Variants in RBM17 observed in about 807,000 individuals in gnomAD.
The protein encoded by RBM17 is splicing factor 45.
A neutral mutation model predicts 53.2 loss-of-function variants in RBM17; 7 were observed. The observed-to-expected ratio is 0.13, with a 90% CI of 0.07 to 0.25. The LOEUF is 0.25. Ranked by LOEUF, RBM17 falls within the 10% of genes least tolerant of loss-of-function variation. The pLI is 1.00. For synonymous variants in RBM17, 167 were observed against 178.1 expected (o/e 0.94, Z 0.50); for missense variants, 257 against 496.7 (o/e 0.52, Z 4.59).
rs1840730376 is a variant in RBM17 at position 6,105,199 on chromosome 10, C to T, written c.407+102C>T. ...TGTCTGTAAGGCTGAAGTTAATTGT[C>T]ATGGGTGATCTGAGCAGTCACTACA... On this transcript the variant is annotated intron_variant, in intron 4 of 11. Coordinates refer to ENST00000379888, the MANE Select transcript of RBM17 (RefSeq NM_032905.5). 1.1e-5 allele frequency: 12 copies of T among 1,043,980 alleles called. No homozygotes were observed. In the South Asian group the frequency reaches 1.7e-4, roughly 15 times the overall value. 64.7% of individuals were successfully genotyped at this position (1,043,980 alleles called of 1,614,324 possible).
chr10:6,113,506 A>C lies in RBM17; in HGVS notation c.857-2A>C. 1 of 1,601,832 alleles carries C rather than the reference A, an allele frequency of 6.2e-7. No homozygotes were observed. The highest frequency in any genetic ancestry group is 8.6e-7 in the Non-Finnish European group (1 of 1,168,934). On this transcript the variant is annotated splice_acceptor_variant, in intron 8 of 11. Transcript: ENST00000379888. LOFTEE classifies it high-confidence loss of function. The stretch of plus-strand genomic sequence containing the variant: ...CACATCTAATGGTATGTTTTGATAC[A>C]GATGCATCCAAGAAGTCAGATTCAA...
At chr10:6,114,231 G>T (rs976686733) in intron 10 of RBM17, 84 bp downstream of exon 10, 14 of 765,358 alleles carry the variant, frequency 1.8e-5, no homozygotes, top group African/African-American at 3.5e-5. Flanking sequence ...GACAGGGTAT[G>T]CTATAAGTAA....
chr10:6,109,033 T>G (rs1413204402), intron 6 of RBM17, among the ~76,000 whole-genome samples: 1 of 152,080 alleles, frequency 6.6e-6, no homozygotes, highest in Non-Finnish European at 1.5e-5. Context: ...GTTAGATTCA[T>G]TTGGAGTTAA....
chr10:6,108,495 G>A (rs1840788712), intron 5 of RBM17, 191 bp from the exon 6 acceptor site: 1 of 490,794 alleles, frequency 2.0e-6, no homozygotes, highest in African/African-American at 2.0e-5. Context: ...AGGGAGTGTT[G>A]CCACTTTTCT....
chr10:6,117,184 A>T lies in RBM17; in HGVS notation c.*1628A>T, dbSNP rs556288146. 58 of 152,486 alleles carry T rather than the reference A, an allele frequency of 3.8e-4. No individual in the cohort carries two copies. The highest frequency in any genetic ancestry group is 1.4e-3 in the African/African-American group (58 of 41,562). The allele number at this position is 152,486 out of a possible 1,614,324, so 9.4% of individuals were successfully genotyped here. A position where few individuals can be genotyped will look rare whatever the true frequency, so the allele number is the denominator to read the frequency against. The stretch of plus-strand genomic sequence containing the variant: ...TAACATTCTCATGGTCAGCAACCAG[A>T]GAGTTGCAACCAACTCATACTACTT... On this transcript the variant is annotated 3_prime_UTR_variant, in exon 12 of 12. Transcript: ENST00000379888.
intron 10 of RBM17, 186 bp downstream of exon 10, chr10:6,114,333 T>TACCAAG: frequency 2.2e-6 from 1 of 457,906 alleles, no homozygotes. Context: ...TGATTTCAAG[T>TACCAAG]TTTATTTGAT....
chr10:6,111,697 T>C lies in RBM17; in HGVS notation c.705-513T>C, dbSNP rs1840839682. Reference sequence around the variant, plus strand: ...TTACTTCTAAGTCCACCCCTTAAGCTAGTCAGCTAATCTTGGCCTCCGTTT... The same window carrying C: ...TTACTTCTAAGTCCACCCCTTAAGCCAGTCAGCTAATCTTGGCCTCCGTTT... On this transcript the variant is annotated intron_variant, in intron 7 of 11. Coordinates refer to ENST00000379888, the MANE Select transcript of RBM17 (RefSeq NM_032905.5). Among the ~76,000 whole-genome samples the C allele has an allele frequency of 2.6e-5, 4 of 152,344 alleles. No individual in the cohort carries two copies. The South Asian group carries it at 6.2e-4, about 24-fold the overall frequency.
intron 10 of RBM17, chr10:6,114,395 T>G: frequency 2.7e-6 from 1 of 373,084 alleles, no homozygotes; most frequent in Middle Eastern, 8.8e-4. Context: ...ACTGAAGACC[T>G]TGATTCTAGC....
intron 1 of RBM17, among the ~76,000 whole-genome samples, chr10:6,095,613 T>C (rs917779159): frequency 1.4e-4 from 21 of 152,172 alleles, no homozygotes; most frequent in Non-Finnish European, 2.9e-5. Context: ...GGACCTTTCA[T>C]TTAAAAATCA....
At position 6,114,200 on chromosome 10, in the gene RBM17, C is replaced by T. The variant is rs1239110246; in HGVS notation, c.1029+53C>T. ...AACACAAGTTGTAATTGGCACATTA[C>T]AAAACATTTTCTACAAACAGGACAG... On this transcript the variant is annotated intron_variant, in intron 10 of 11. Transcript: ENST00000379888. 6 of 1,066,164 alleles carry T rather than the reference C, an allele frequency of 5.6e-6. No individual in the cohort carries two copies. In the Admixed American group the frequency reaches 9.2e-5, roughly 16 times the overall value. The allele number at this position is 1,066,164 out of a possible 1,614,324, so 66.0% of individuals were successfully genotyped here.
intron 1 of RBM17, among the ~76,000 whole-genome samples, chr10:6,090,225 C>G (rs11256664): frequency 0.033 from 5,018 of 152,190 alleles, 186 homozygotes; most frequent in African/African-American, 0.089. Context: ...ATAGGATATT[C>G]TAGATAAGGG....
intron 3 of RBM17, 29 bp from the exon 4 acceptor site, chr10:6,104,902 A>G (rs1489942534): frequency 3.1e-6 from 5 of 1,601,466 alleles, no homozygotes; most frequent in Non-Finnish European, 3.4e-6. Context: ...TATAAAGAGG[A>G]TTCTTACTGC....
chr10:6,101,207 T>C, intron 2 of RBM17, 64 bp from the exon 3 acceptor site: 5 of 1,021,552 alleles, frequency 4.9e-6, no homozygotes, highest in Non-Finnish European at 5.7e-6. Context: ...AAAATCTTTG[T>C]TGCAAACAGT....
chr10:6,090,046 G>A (rs1840459955), intron 1 of RBM17: 1 of 152,374 alleles, frequency 6.6e-6, no homozygotes, highest in East Asian at 1.9e-4. Context: ...CAGAAGCGAA[G>A]CCCCGTAGTG....
intron 2 of RBM17, among the ~76,000 whole-genome samples, chr10:6,100,177 T>C (rs1179658337): frequency 2.0e-5 from 3 of 152,262 alleles, no homozygotes; most frequent in Admixed American, 6.5e-5. Flanking sequence ...AGTATTGTTA[T>C]ATTCAAGAGA....
At position 6,115,729 on chromosome 10, in the gene RBM17, T is replaced by C. The variant is rs778824935; in HGVS notation, c.*173T>C. 2 of 459,928 alleles carry C rather than the reference T, an allele frequency of 4.3e-6. No individual in the cohort carries two copies. The highest frequency in any genetic ancestry group is 3.8e-5 in the Admixed American group (1 of 26,478). 28.5% of individuals were successfully genotyped at this position (459,928 alleles called of 1,614,324 possible). A position where few individuals can be genotyped will look rare whatever the true frequency, so the allele number is the denominator to read the frequency against. ...TTTATTTTGTGGTTTTTTAATATAG[T>C]ATAAAAATCCTTTTAAAAAAACAAC... On this transcript the variant is annotated 3_prime_UTR_variant, in exon 12 of 12. Coordinates refer to ENST00000379888, the MANE Select transcript of RBM17 (RefSeq NM_032905.5).
In RBM17 at chr10:6,112,379, C is replaced by A; in HGVS notation, c.856+18C>A. 1 of 1,613,418 alleles carries A rather than the reference C, an allele frequency of 6.2e-7. No individual in the cohort carries two copies. Among genetic ancestry groups the A allele is most frequent in the Non-Finnish European group, 8.5e-7 (1 of 1,179,770 alleles). On this transcript the variant is annotated intron_variant, in intron 8 of 11. Transcript: ENST00000379888. The surrounding 1 kb of genome is among the most constrained non-coding windows in gnomAD (Gnocchi z 4.4). ...AGAGAAAGGTGTGTCCCCAGGGAAG[C>A]GTGTGACTAGAGGGAAAGGACTGGC...
intron 1 of RBM17, among the ~76,000 whole-genome samples, chr10:6,090,253 C>G (rs907949046): frequency 6.6e-6 from 1 of 152,136 alleles, no homozygotes; most frequent in Non-Finnish European, 1.5e-5. Flanking sequence ...CGCATATACT[C>G]AAATAGATGG....
chr10:6,108,515 A>G, intron 5 of RBM17, 171 bp from the exon 6 acceptor site: 1 of 502,602 alleles, frequency 2.0e-6, no homozygotes, highest in Non-Finnish European at 3.6e-6. Context: ...TACATTTTAA[A>G]TCCTAGCATC....
Sources: gnomAD v4.1 joint callset for allele counts (sites outside exome capture counted in the v4.1 genomes callset) on GRCh38, gnomAD v4.1.1 for gene constraint, Gnocchi (gnomAD v3.1) non-coding constraint, MANE v1.5 for transcripts, NCBI Gene and HGNC (gene_info 2026-07-23, HGNC 2026-07-21) for gene names.